Variants in CTCF observed in about 807,000 individuals in gnomAD.
CTCF encodes the protein CCCTC-binding factor.
A neutral mutation model predicts 72.3 loss-of-function variants in CTCF; 7 were observed. The ratio of observed to expected loss-of-function variants is 0.10; its 90% CI spans 0.06 to 0.18. CTCF has a LOEUF of 0.18. Ranked by LOEUF, CTCF falls within the 10% of genes least tolerant of loss-of-function variation. The pLI is 1.00. For missense variants in CTCF, 516 were observed against 949.1 expected (o/e 0.54, Z 6.00); for synonymous variants, 374 against 315.8 (o/e 1.18, Z -1.95).
At chr16:67,588,389 G>A (rs569459112) in intron 2 of CTCF, among the ~76,000 whole-genome samples, 3 of 152,202 alleles carry the variant, frequency 2.0e-5, no homozygotes, top group Non-Finnish European at 4.4e-5. Flanking sequence ...CTCCAAAGAC[G>A]GTCTAACTCT....
Position 67,611,256 on chromosome 16 carries a change from G to A in CTCF, c.424G>A (p.Val142Met), listed in dbSNP as rs1175444753. Residue 142 changes from valine (V) to methionine (M), a missense_variant, in exon 3 of 12, where the codon GTG becomes ATG. By Grantham distance (21) the Val-to-Met change is conservative. Coordinates refer to ENST00000264010, the MANE Select transcript of CTCF (RefSeq NM_006565.4). Reference protein sequence around the residue: ...EELQGAYENEVSKEGLAESEP... With the variant: ...EELQGAYENEMSKEGLAESEP... The stretch of plus-strand genomic sequence containing the variant: ...ACTTCAGGGGGCTTATGAAAATGAA[G>A]TGTCTAAAGAGGGCCTTGCGGAAAG... 2 of 1,614,180 alleles carry A rather than the reference G, an allele frequency of 1.2e-6. No individual in the cohort carries two copies. The highest frequency in any genetic ancestry group is 1.7e-6 in the Non-Finnish European group (2 of 1,180,036).
At chr16:67,628,124 A>G (rs2052316258) in intron 8 of CTCF, among the ~76,000 whole-genome samples, 1 of 152,142 alleles carries the variant, frequency 6.6e-6, no homozygotes, top group Non-Finnish European at 1.5e-5. Context: ...TTAGCCAGGC[A>G]TGGTGGCTCA....
At chr16:67,575,662 C>T (rs1597680694) in intron 2 of CTCF, among the ~76,000 whole-genome samples, 1 of 152,120 alleles carries the variant, frequency 6.6e-6, no homozygotes, top group East Asian at 1.9e-4. Context: ...GGGCTGGTCT[C>T]AAACTCCTGA....
At chr16:67,577,488 AG>A (rs1256083862) in intron 2 of CTCF, among the ~76,000 whole-genome samples, 5 of 147,914 alleles carry the variant, frequency 3.4e-5, no homozygotes, top group African/African-American at 1.3e-4. Flanking sequence ...CCCAGGCTGG[AG>A]TGCAGTGGTG....
chr16:67,601,238 GTGTGTGTGTGTGTGTGTTT>G (rs924260845), intron 2 of CTCF, among the ~76,000 whole-genome samples: 4 of 148,028 alleles, frequency 2.7e-5, no homozygotes, highest in Non-Finnish European at 6.0e-5. Context: ...GTGTGTGTGT[GTGTGTGTGTGTGTGTGTTT>G]TGTTTTGTTT....
chr16:67,616,647 A>G, intron 4 of CTCF, 98 bp from the exon 5 acceptor site: 1 of 1,372,376 alleles, frequency 7.3e-7, no homozygotes, highest in Non-Finnish European at 1.0e-6. Context: ...TGGGATGAAT[A>G]GGGTTCCAGT....
At chr16:67,626,460 A>G (rs1014959569) in intron 7 of CTCF, 95 bp from the exon 8 acceptor site, 121 of 965,420 alleles carry the variant, frequency 1.3e-4, no homozygotes, top group Admixed American at 1.9e-4. Flanking sequence ...CTCAAAAAAA[A>G]AAAAAAAAAA....
intron 6 of CTCF, chr16:67,621,210 T>G (rs1232105970): frequency 1.1e-5 from 5 of 439,830 alleles, no homozygotes; most frequent in Non-Finnish European, 2.0e-5. Flanking sequence ...AGCATTGCTG[T>G]AATGTGGAGG....
intron 2 of CTCF, among the ~76,000 whole-genome samples, chr16:67,579,066 C>T (rs1394383476): frequency 1.3e-5 from 2 of 151,804 alleles, no homozygotes; most frequent in African/African-American, 4.8e-5. Flanking sequence ...ACCAGCCTGA[C>T]CAACATGGTG....
At chr16:67,573,041 A>G (rs2051446130) in intron 2 of CTCF, among the ~76,000 whole-genome samples, 2 of 147,522 alleles carry the variant, frequency 1.4e-5, no homozygotes, top group Admixed American at 1.4e-4. Flanking sequence ...TCACAAGGTC[A>G]GGAGTTCGGG....
At chr16:67,565,221 C>G (rs977021804) in intron 1 of CTCF, among the ~76,000 whole-genome samples, 6 of 151,902 alleles carry the variant, frequency 3.9e-5, no homozygotes, top group South Asian at 2.1e-4. Flanking sequence ...AGGCTGGTCT[C>G]GAACTCCTGA....
intron 2 of CTCF, among the ~76,000 whole-genome samples, chr16:67,587,015 A>G (rs1385506764): frequency 2.7e-5 from 4 of 150,618 alleles, no homozygotes; most frequent in African/African-American, 9.8e-5. Flanking sequence ...GGCTTGTCCC[A>G]TCTCTTGGGT....
rs2052109074 is a variant in CTCF, at chr16:67,614,722, C to CTG, written c.953-2021_953-2020dup. On this transcript the variant is annotated intron_variant, in intron 4 of 11. Transcript: ENST00000264010. The stretch of plus-strand genomic sequence containing the variant: ...ATTAGCCGGGTGTGGTGGCACATGC[C>CTG]TGTAATCCCAACTACTCGGGAGGCT... 3 of 152,498 alleles carry CTG rather than the reference C, an allele frequency of 2.0e-5. No homozygotes were observed. In the South Asian group the frequency reaches 6.2e-4, roughly 32 times the overall value. 9.4% of individuals were successfully genotyped at this position (152,498 alleles called of 1,614,324 possible).
At chr16:67,625,024 A>C (rs1410834061) in intron 7 of CTCF, among the ~76,000 whole-genome samples, 2 of 152,140 alleles carry the variant, frequency 1.3e-5, no homozygotes, top group Admixed American at 1.3e-4. Context: ...TCCCTGGTTT[A>C]AATGATTCTC....
intron 7 of CTCF, among the ~76,000 whole-genome samples, chr16:67,622,481 C>G (rs939052665): frequency 6.6e-6 from 1 of 152,026 alleles, no homozygotes; most frequent in East Asian, 1.9e-4. Context: ...CTTGTAGTAC[C>G]GTAAATACAT....
In CTCF at chr16:67,628,507, T is replaced by C. The variant is rs769812629; in HGVS notation, c.1656T>C (p.Pro552=). Reference sequence around the variant, plus strand: ...GCTATCACGACCCCAACTTCGTCCCTGCGGCTTTTGTCTGTTCTAAGTGTG... The same window carrying C: ...GCTATCACGACCCCAACTTCGTCCCCGCGGCTTTTGTCTGTTCTAAGTGTG... ...FKRYHDPNFV[P]AAFVCSKCGK... Residue 552 remains proline, a synonymous_variant, in exon 9 of 12, where the codon CCT becomes CCC. Coordinates refer to ENST00000264010, the MANE Select transcript of CTCF (RefSeq NM_006565.4). The C allele has an allele frequency of 6.2e-7, 1 of 1,614,246 alleles. No homozygotes were observed. Among genetic ancestry groups the C allele is most frequent in the Admixed American group, 1.7e-5 (1 of 60,020 alleles).
At chr16:67,629,893 G>A (rs1244943596) in intron 10 of CTCF, among the ~76,000 whole-genome samples, 2 of 148,730 alleles carry the variant, frequency 1.3e-5, no homozygotes, top group Admixed American at 1.4e-4. Context: ...TCCTGCCTCA[G>A]CCTCCCGAGT....
intron 1 of CTCF, among the ~76,000 whole-genome samples, chr16:67,562,957 C>T (rs2051296899): frequency 6.9e-6 from 1 of 145,796 alleles, no homozygotes. Context: ...GGCCTCCCTC[C>T]TGGCAGCGCG....
intron 2 of CTCF, among the ~76,000 whole-genome samples, chr16:67,589,638 G>A (rs938234013): frequency 6.6e-5 from 10 of 152,124 alleles, no homozygotes; most frequent in Non-Finnish European, 1.2e-4. Flanking sequence ...CCTAAGAACT[G>A]AACCTCGTGC....
Sources: allele counts gnomAD v4.1 joint callset (sites outside exome capture counted in the v4.1 genomes callset), GRCh38; gene constraint gnomAD v4.1.1; transcripts MANE v1.5; gene names NCBI Gene and HGNC (gene_info 2026-07-23, HGNC 2026-07-21).